Variants in ZFPM2 observed in about 807,000 individuals in gnomAD.
ZFPM2 encodes zinc finger protein ZFPM2.
A neutral mutation model predicts 98.6 loss-of-function variants in ZFPM2; 20 were observed. The ratio of observed to expected loss-of-function variants is 0.20; its 90% CI spans 0.14 to 0.29. The LOEUF (loss-of-function observed/expected upper bound fraction) is 0.29. ZFPM2 is among the 10% of genes least tolerant of loss of function. The pLI is 1.00. For synonymous variants in ZFPM2, 518 were observed against 502.7 expected (o/e 1.03, Z -0.41); for missense variants, 1,310 against 1,388.6 (o/e 0.94, Z 0.90).
chr8:105,471,974 A>G (rs766527728), intron 3 of ZFPM2, among the ~76,000 whole-genome samples: 11 of 152,284 alleles, frequency 7.2e-5, no homozygotes, highest in African/African-American at 2.6e-4. Flanking sequence ...GTTTCAAAAA[A>G]TGTGGTCGGT....
rs2130635138 is a variant in ZFPM2, at chr8:105,318,857, G to GGCA, written c.-83_-82insAGC. 1.2e-6 allele frequency: 1 copy of GGCA among 845,922 alleles called. No homozygotes were observed. The highest frequency in any genetic ancestry group is 1.4e-6 in the Non-Finnish European group (1 of 731,302). 52.4% of individuals were successfully genotyped at this position (845,922 alleles called of 1,614,324 possible). A position where few individuals can be genotyped will look rare whatever the true frequency, so the allele number is the denominator to read the frequency against. ...GCCGAGCCTGGCCAGCGGCGGCGGC[G>GGCA]GCGGCGGCGGCGGCGGGAGCCGAGG... On this transcript the variant is annotated 5_prime_UTR_variant, in exon 1 of 8. Coordinates refer to ENST00000407775, the MANE Select transcript of ZFPM2 (RefSeq NM_012082.4).
chr8:105,471,751 T>C (rs796372154), intron 3 of ZFPM2, among the ~76,000 whole-genome samples: 5 of 152,344 alleles, frequency 3.3e-5, no homozygotes, highest in African/African-American at 1.2e-4. Flanking sequence ...TGATATCAGC[T>C]ATTCTCCATT....
chr8:105,330,621 T>TATATATAC (rs1812212343), intron 1 of ZFPM2, among the ~76,000 whole-genome samples: 1 of 104,626 alleles, frequency 9.6e-6, no homozygotes, highest in East Asian at 2.6e-4. Context: ...CACATATATA[T>TATATATAC]ATATATATAT....
intron 3 of ZFPM2, among the ~76,000 whole-genome samples, chr8:105,494,676 T>G (rs564405612): frequency 6.6e-6 from 1 of 152,202 alleles, no homozygotes; most frequent in Admixed American, 6.5e-5. Flanking sequence ...GTTAGAAAAT[T>G]CTTAGGTACC....
rs1811963106 is a variant in ZFPM2, at chr8:105,318,911, G to A, written c.-31G>A. On this transcript the variant is annotated 5_prime_UTR_variant, in exon 1 of 8. Coordinates refer to ENST00000407775, the MANE Select transcript of ZFPM2 (RefSeq NM_012082.4). The stretch of plus-strand genomic sequence containing the variant: ...CGGCAGCCGCGACCGCGGGCACCGC[G>A]GGAGCCCCAGCGGCAGCAGCCGCCG... 1 of 1,367,176 alleles carries A rather than the reference G, an allele frequency of 7.3e-7. No individual in the cohort carries two copies. The highest frequency in any genetic ancestry group is 9.6e-7 in the Non-Finnish European group (1 of 1,040,070). The allele number at this position is 1,367,176 out of a possible 1,614,324, so 84.7% of individuals were successfully genotyped here.
chr8:105,627,953 C>G (rs949840484), intron 4 of ZFPM2, among the ~76,000 whole-genome samples: 1 of 152,192 alleles, frequency 6.6e-6, no homozygotes, highest in African/African-American at 2.4e-5. Context: ...GTCTGGACAT[C>G]TATGCTAATC....
chr8:105,653,833 A>G (rs1184681190), intron 5 of ZFPM2, among the ~76,000 whole-genome samples: 1 of 117,624 alleles, frequency 8.5e-6, no homozygotes, highest in African/African-American at 3.0e-5. Context: ...TTTTGTCTTT[A>G]TACAACAGCT....
At chr8:105,641,876 GA>G (rs1020136570) in intron 5 of ZFPM2, among the ~76,000 whole-genome samples, 1 of 151,772 alleles carries the variant, frequency 6.6e-6, no homozygotes, top group African/African-American at 2.4e-5. Flanking sequence ...CTATTTTGGA[GA>G]AAAAAAATAT....
At chr8:105,756,876 C>T (rs1355417604) in intron 5 of ZFPM2, among the ~76,000 whole-genome samples, 3 of 152,080 alleles carry the variant, frequency 2.0e-5, no homozygotes, top group Non-Finnish European at 2.9e-5. Context: ...AGACAGATGT[C>T]GGGTGCAGAT....
intron 1 of ZFPM2, among the ~76,000 whole-genome samples, chr8:105,383,998 A>G (rs1810937524): frequency 6.6e-6 from 1 of 152,210 alleles, no homozygotes; most frequent in Non-Finnish European, 1.5e-5. Context: ...CACACTAGAC[A>G]ACTACAGAAT....
intron 4 of ZFPM2, among the ~76,000 whole-genome samples, chr8:105,564,617 G>T (rs1815207281): frequency 6.6e-6 from 1 of 151,936 alleles, no homozygotes; most frequent in Admixed American, 6.6e-5. Context: ...TTACAGATAA[G>T]AAAATAAAAA....
intron 5 of ZFPM2, among the ~76,000 whole-genome samples, chr8:105,755,461 A>G (rs146696495): frequency 6.6e-6 from 1 of 152,296 alleles, no homozygotes; most frequent in East Asian, 1.9e-4. Flanking sequence ...ATGCATTACA[A>G]AAGAACTGGT....
In ZFPM2 at chr8:105,786,041, C is replaced by CAAAAA. The variant is rs60740995; in HGVS notation, c.533-2652_533-2648dup. Among the ~76,000 whole-genome samples, 34 of 39,844 alleles carry CAAAAA rather than the reference C, an allele frequency of 8.5e-4. 1 individual carries two copies. The highest frequency in any genetic ancestry group is 1.4e-3 in the Non-Finnish European group (28 of 19,412). The allele number at this position is 39,844 out of a possible 152,430, so 26.1% of individuals were successfully genotyped here. A position where few individuals can be genotyped will look rare whatever the true frequency, so the allele number is the denominator to read the frequency against. ...TGGGCGACAGAGGGAGACTCCGTCT[C>CAAAAA]AAAAAAAAAAAAAAAAAAAAAAAAA... On this transcript the variant is annotated intron_variant, in intron 5 of 7. Transcript: ENST00000407775.
At chr8:105,654,525 A>G (rs1586176745) in intron 5 of ZFPM2, among the ~76,000 whole-genome samples, 1 of 152,174 alleles carries the variant, frequency 6.6e-6, no homozygotes, top group African/African-American at 2.4e-5. Context: ...TGCCGGAGAC[A>G]CAGAGATAGT....
At chr8:105,464,999 T>C (rs186938587) in intron 3 of ZFPM2, among the ~76,000 whole-genome samples, 299 of 151,244 alleles carry the variant, frequency 2.0e-3, no homozygotes, top group African/African-American at 7.0e-3. Flanking sequence ...ATAGAAAAGA[T>C]ATTCACTCAG....
In ZFPM2 at chr8:105,769,289, A is replaced by G. The variant is rs1297113269; in HGVS notation, c.533-19429A>G. ...CTGCTGAGCTAGACTTAGCTACTCA[A>G]GCTACTCAAGATAAAAATCAGGATC... On this transcript the variant is annotated intron_variant, in intron 5 of 7. Transcript: ENST00000407775. Among the ~76,000 whole-genome samples, 8 of 152,168 alleles carry G rather than the reference A, an allele frequency of 5.3e-5. 1 individual carries two copies. Among genetic ancestry groups the G allele is most frequent in the Middle Eastern group, 6.8e-3 (2 of 294 alleles).
Position 105,655,451 on chromosome 8 carries a change from G to A in ZFPM2, c.532+21094G>A, listed in dbSNP as rs182071478. Among the ~76,000 whole-genome samples the A allele has an allele frequency of 1.1e-3, 171 of 151,992 alleles. 1 individual carries two copies. The highest frequency in any genetic ancestry group is 3.9e-3 in the African/African-American group (160 of 41,472). ...TCTCCACATTGGTCAGACTGGTCTT[G>A]AACTCCCAACCTCAGATAATTCGCC... On this transcript the variant is annotated intron_variant, in intron 5 of 7. Transcript: ENST00000407775.
intron 4 of ZFPM2, among the ~76,000 whole-genome samples, chr8:105,622,376 A>G (rs2130819129): frequency 6.6e-6 from 1 of 152,190 alleles, no homozygotes; most frequent in Admixed American, 6.6e-5. Context: ...CTAAAATGTA[A>G]TTTTCTCTTA....
intron 1 of ZFPM2, among the ~76,000 whole-genome samples, chr8:105,409,691 A>G (rs1420535399): frequency 6.6e-6 from 1 of 151,934 alleles, no homozygotes; most frequent in Non-Finnish European, 1.5e-5. Flanking sequence ...TGACTTTGGG[A>G]TAGCATTTGT....
Sources: allele counts gnomAD v4.1 joint callset (sites outside exome capture counted in the v4.1 genomes callset), GRCh38; gene constraint gnomAD v4.1.1; transcripts MANE v1.5; gene names NCBI Gene and HGNC (gene_info 2026-07-23, HGNC 2026-07-21).